Variants in ZFHX3 observed in about 807,000 individuals in gnomAD.
The protein encoded by ZFHX3 is zinc finger homeobox 3, also known as zinc finger homeobox protein 3.
Under a neutral mutation model 279.1 loss-of-function variants are expected in ZFHX3, and 42 were observed. That is an observed-to-expected ratio of 0.15 (90% CI 0.12 to 0.19). The LOEUF (loss-of-function observed/expected upper bound fraction) is 0.19. ZFHX3 is among the 10% of genes least tolerant of loss of function. ZFHX3 has a pLI of 1.00. For synonymous variants in ZFHX3, 2,293 were observed against 1,957.8 expected, an observed-to-expected ratio of 1.17 and a Z score of -4.52; for missense variants, 4,981 against 4,754.0, an observed-to-expected ratio of 1.05 and a Z score of -1.40.
chr16:73,715,308 G>A (rs1320317929), intron 1 of ZFHX3, among the ~76,000 whole-genome samples: 1 of 152,118 alleles, frequency 6.6e-6, no homozygotes, highest in African/African-American at 2.4e-5. Context: ...AATCAAGCAT[G>A]CTGGCATAGT....
intron 1 of ZFHX3, among the ~76,000 whole-genome samples, chr16:72,989,008 T>C (rs1962960657): frequency 6.6e-6 from 1 of 151,560 alleles, no homozygotes; most frequent in African/African-American, 2.4e-5. Flanking sequence ...AGACCCCATC[T>C]CTACAAAAAA....
chr16:72,878,601 C>A (rs1343238307), intron 4 of ZFHX3, among the ~76,000 whole-genome samples: 1 of 152,242 alleles, frequency 6.6e-6, no homozygotes, highest in Non-Finnish European at 1.5e-5. Flanking sequence ...TCACCGCAGT[C>A]TTAGGATTTC....
intron 1 of ZFHX3, among the ~76,000 whole-genome samples, chr16:73,019,488 C>T (rs539089444): frequency 3.3e-5 from 5 of 152,300 alleles, no homozygotes; most frequent in African/African-American, 4.8e-5. Flanking sequence ...AGGTGCCCAC[C>T]GGAAACCCCT....
At chr16:72,810,867 C>CA (rs1567527279) in intron 7 of ZFHX3, among the ~76,000 whole-genome samples, 4 of 151,990 alleles carry the variant, frequency 2.6e-5, no homozygotes, top group South Asian at 4.2e-4. Flanking sequence ...GGGAATGTGT[C>CA]AAAAAAATTT....
At position 73,767,790 on chromosome 16, in the gene ZFHX3, C is replaced by T. The variant is rs142890349; in HGVS notation, c.-1607-87550G>A. Among the ~76,000 whole-genome samples the T allele has an allele frequency of 1.2e-4, 18 of 152,232 alleles. No homozygotes were observed. The East Asian group carries it at 3.5e-3, about 29-fold the overall frequency. On this transcript the variant is annotated intron_variant, in intron 1 of 17. Transcript: ENST00000641206. ...GATGGGAGACTTAACCTCTGTGAGA[C>T]CTGTAGTCTTACGTAATCAGCTGAT...
At chr16:73,707,707 T>C (rs569697248) in intron 1 of ZFHX3, among the ~76,000 whole-genome samples, 2 of 151,920 alleles carry the variant, frequency 1.3e-5, no homozygotes, top group South Asian at 4.2e-4. Context: ...AACCTGCACG[T>C]TGTGCACATG....
At chr16:72,984,110 T>G (rs1190850983) in intron 1 of ZFHX3, among the ~76,000 whole-genome samples, 1 of 152,182 alleles carries the variant, frequency 6.6e-6, no homozygotes, top group Non-Finnish European at 1.5e-5. Flanking sequence ...GCCTCAGCCC[T>G]TATCTGAATA....
intron 7 of ZFHX3, among the ~76,000 whole-genome samples, chr16:72,801,358 AAAT>A (rs1399694750): frequency 6.6e-5 from 10 of 152,236 alleles, no homozygotes; most frequent in African/African-American, 4.8e-5. Flanking sequence ...GTTCAAAATT[AAAT>A]AATATTTTAA....
Position 72,983,491 on chromosome 16 carries a change from G to A in ZFHX3, c.-49-23297C>T, listed in dbSNP as rs1219652780. Among the ~76,000 whole-genome samples the A allele has an allele frequency of 2.6e-5, 4 of 152,184 alleles. No homozygotes were observed. In the South Asian group the frequency reaches 8.3e-4, roughly 31 times the overall value. On this transcript the variant is annotated intron_variant, in intron 1 of 9. Transcript: ENST00000268489. ...GGAGGCCGAGGCGGGAGGATCACTT[G>A]AGCCTGGCAGTTCGAGGCCAGCCAC...
intron 1 of ZFHX3, among the ~76,000 whole-genome samples, chr16:73,822,567 G>C (rs2142350286): frequency 6.6e-6 from 1 of 151,576 alleles, no homozygotes; most frequent in Non-Finnish European, 1.5e-5. Flanking sequence ...TTTACTCTTA[G>C]TTGCTAATGT....
At chr16:73,627,394 T>A (rs1393258635) in intron 2 of ZFHX3, among the ~76,000 whole-genome samples, 1 of 152,182 alleles carries the variant, frequency 6.6e-6, no homozygotes, top group Admixed American at 6.5e-5. Flanking sequence ...ATAGTGGAAG[T>A]GAATATCCTA....
At chr16:73,544,845 C>T (rs2020082531) in intron 2 of ZFHX3, among the ~76,000 whole-genome samples, 1 of 152,102 alleles carries the variant, frequency 6.6e-6, no homozygotes, top group Admixed American at 6.5e-5. Context: ...TCTTGTTTTC[C>T]TCATTAGCCC....
chr16:73,778,236 T>TAAAAAAAAAAAAAAA (rs10654824), intron 1 of ZFHX3, among the ~76,000 whole-genome samples: 3 of 58,706 alleles, frequency 5.1e-5, no homozygotes, highest in African/African-American at 1.6e-4. Context: ...GAAGGAGTGT[T>TAAAAAAAAAAAAAAA]AAAAAAAAAA....
At chr16:72,893,729 C>G (rs2038826806) in intron 3 of ZFHX3, among the ~76,000 whole-genome samples, 1 of 152,126 alleles carries the variant, frequency 6.6e-6, no homozygotes, top group South Asian at 2.1e-4. Flanking sequence ...AAAATGAAGC[C>G]ACGGCTGCTC....
Position 73,872,042 on chromosome 16 carries a change from G to A in ZFHX3, c.-1608+19609C>T, listed in dbSNP as rs562870595. On this transcript the variant is annotated intron_variant, in intron 1 of 17. Coordinates refer to the ZFHX3 transcript ENST00000641206. ...TGTAAGATTGTACACCCAGTTTTGC[G>A]ATCAATATTCACATTTTGAATTGTA... Among the ~76,000 whole-genome samples, 35 of 152,276 alleles carry A rather than the reference G, an allele frequency of 2.3e-4. No individual in the cohort carries two copies. The South Asian group carries it at 7.0e-3, about 31-fold the overall frequency.
Position 72,785,493 on chromosome 16 carries a change from CT to C in ZFHX3, c.*1670del, listed in dbSNP as rs1194588365. 1.3e-5 allele frequency: 2 copies of C among 152,720 alleles called. No homozygotes were observed. Among genetic ancestry groups the C allele is most frequent in the African/African-American group, 4.8e-5 (2 of 41,578 alleles). 9.5% of individuals were successfully genotyped at this position (152,720 alleles called of 1,614,324 possible). ...AAGAAGCACATAACAACCTGGGAAT[CT>C]TTTGTTTTTCTCTTTCTTTTATTAA... On this transcript the variant is annotated 3_prime_UTR_variant, in exon 10 of 10. Coordinates refer to ENST00000268489, the MANE Select transcript of ZFHX3 (RefSeq NM_006885.4).
chr16:72,931,404 TACACACACACAC>T (rs59696404), intron 3 of ZFHX3, among the ~76,000 whole-genome samples: 3,295 of 120,118 alleles, frequency 0.027, 109 homozygotes, highest in East Asian at 0.12. Flanking sequence ...TTTATTTCAT[TACACACACACAC>T]ACACACACAC....
intron 3 of ZFHX3, among the ~76,000 whole-genome samples, chr16:73,453,545 C>T (rs1427024292): frequency 6.6e-6 from 1 of 152,226 alleles, no homozygotes; most frequent in Non-Finnish European, 1.5e-5. Flanking sequence ...CCACCTTCAG[C>T]TGTTTTAACC....
chr16:73,022,203 C>T (rs572524311), intron 1 of ZFHX3, among the ~76,000 whole-genome samples: 1 of 152,236 alleles, frequency 6.6e-6, no homozygotes, highest in African/African-American at 2.4e-5. Context: ...ATCACCGGCA[C>T]CAACAACAGT....
Sources: allele counts gnomAD v4.1 joint callset (sites outside exome capture counted in the v4.1 genomes callset), GRCh38; gene constraint gnomAD v4.1.1; transcripts MANE v1.5; gene names NCBI Gene and HGNC (gene_info 2026-07-23, HGNC 2026-07-21).